The following SHISAL1 variants were observed in gnomAD, a reference collection of about 807,000 sequenced individuals.
SHISAL1 encodes the protein shisa like 1.
SHISAL1 carries 9 observed loss-of-function variants against 22.6 expected under a neutral mutation model. That is an observed-to-expected ratio of 0.40 (90% CI 0.24 to 0.70). The LOEUF (loss-of-function observed/expected upper bound fraction) is 0.70. SHISAL1 is among the 30% of genes least tolerant of loss of function. The pLI is 0.39. For synonymous variants in SHISAL1, 119 were observed against 115.4 expected (o/e 1.03, Z -0.20); for missense variants, 246 against 270.6 (o/e 0.91, Z 0.64).
intron 3 of SHISAL1, among the ~76,000 whole-genome samples, chr22:44,288,895 A>G (rs2055334233): frequency 6.6e-6 from 1 of 152,208 alleles, no homozygotes; most frequent in South Asian, 2.1e-4. Flanking sequence ...GTTTTGTAGG[A>G]CTGTCTGCCC....
In SHISAL1 at chr22:44,302,295, A is replaced by G. The variant is rs138511452; in HGVS notation, c.-32-1318T>C. 5.5e-3 allele frequency among the ~76,000 whole-genome samples: 802 copies of G among 147,044 alleles called. 6 individuals are homozygous for G. Among genetic ancestry groups the G allele is most frequent in the African/African-American group, 0.019 (752 of 39,352 alleles). On this transcript the variant is annotated intron_variant, in intron 1 of 4. Coordinates refer to ENST00000381176, the MANE Select transcript of SHISAL1 (RefSeq NM_001099294.2). ...GTGGAGGCTGCAGTGAGCTGAGATCACGCCATTGCACTCCAGCCTGGGCGA... is the reference window on the plus strand; with the variant it reads ...GTGGAGGCTGCAGTGAGCTGAGATCGCGCCATTGCACTCCAGCCTGGGCGA...
intron 4 of SHISAL1, among the ~76,000 whole-genome samples, chr22:44,264,559 T>C (rs1189179796): frequency 1.3e-5 from 2 of 152,264 alleles, no homozygotes; most frequent in African/African-American, 2.4e-5. Context: ...TCCTGACGGA[T>C]GTAGTCACTC....
the SHISAL1 span, among the ~76,000 whole-genome samples, chr22:44,331,128 C>T: frequency 2.6e-5 from 4 of 152,028 alleles, no homozygotes; most frequent in African/African-American, 9.7e-5. This position sits in a 1 kb window ranked among gnomAD's most constrained non-coding sequence, Gnocchi z 5.2. Context: ...CTGCTCTCTT[C>T]GGAACCCAGC....
In SHISAL1 at chr22:44,245,111, G is replaced by A. The variant is rs1394678952; in HGVS notation, c.*4574C>T. The A allele has an allele frequency of 1.3e-5, 2 of 152,272 alleles. No individual in the cohort carries two copies. Among genetic ancestry groups the A allele is most frequent in the African/African-American group, 2.4e-5 (1 of 41,466 alleles). 9.4% of individuals were successfully genotyped at this position (152,272 alleles called of 1,614,324 possible). On this transcript the variant is annotated 3_prime_UTR_variant, in exon 5 of 5. Coordinates refer to ENST00000381176, the MANE Select transcript of SHISAL1 (RefSeq NM_001099294.2). ...CCTCTCTGACTGTCCCAGTGCTGTG[G>A]GGGCCAAGCAGACACCCTCTGATGC... is the stretch of plus-strand genomic sequence containing the variant.
chr22:44,282,153 G>A (rs1194404347), intron 4 of SHISAL1, among the ~76,000 whole-genome samples: 1 of 152,214 alleles, frequency 6.6e-6, no homozygotes, highest in Non-Finnish European at 1.5e-5. Context: ...TCTGAGAGGG[G>A]AGGCTGTGCC....
At position 44,300,973 on chromosome 22, in the gene SHISAL1, G is replaced by A. The variant is rs752116012; in HGVS notation, c.-28C>T. The A allele has an allele frequency of 3.9e-5, 63 of 1,609,374 alleles. No homozygotes were observed. Among genetic ancestry groups the A allele is most frequent in the Non-Finnish European group, 5.0e-5 (59 of 1,176,184 alleles). On this transcript the variant is annotated 5_prime_UTR_variant, in exon 2 of 5. Coordinates refer to ENST00000381176, the MANE Select transcript of SHISAL1 (RefSeq NM_001099294.2). ...TCTGGCTTGCATTGATCCGTCCAGA[G>A]CTGCCTGTTCAATGAGAGCCACGAG... is the stretch of plus-strand genomic sequence containing the variant.
chr22:44,286,335 C>T (rs1343778754), intron 3 of SHISAL1, among the ~76,000 whole-genome samples: 1 of 152,188 alleles, frequency 6.6e-6, no homozygotes, highest in Non-Finnish European at 1.5e-5. Context: ...CTGGGGCTGT[C>T]CGGGCCCCAT....
intron 2 of SHISAL1, among the ~76,000 whole-genome samples, chr22:44,299,963 C>G (rs569695512): frequency 7.0e-6 from 1 of 142,480 alleles, no homozygotes; most frequent in South Asian, 2.2e-4. Context: ...GAGACAGACA[C>G]AGAGACATAG....
At chr22:44,274,400 C>G (rs566209657) in intron 4 of SHISAL1, among the ~76,000 whole-genome samples, 60 of 152,252 alleles carry the variant, frequency 3.9e-4, no homozygotes, top group Non-Finnish European at 8.4e-4. Context: ...ACCCCCTGGA[C>G]TCAGGAATCT....
chr22:44,277,688 T>G (rs2147284947), intron 4 of SHISAL1, among the ~76,000 whole-genome samples: 1 of 152,242 alleles, frequency 6.6e-6, no homozygotes, highest in South Asian at 2.1e-4. Flanking sequence ...TCACAGAGGC[T>G]AAAAGAGAAC....
chr22:44,308,827 C>T (rs2055497539), intron 1 of SHISAL1, among the ~76,000 whole-genome samples: 1 of 152,208 alleles, frequency 6.6e-6, no homozygotes, highest in Non-Finnish European at 1.5e-5. Context: ...AGACAGGGGC[C>T]ACGCTCGGGC....
At chr22:44,255,375 C>T (rs2055077646) in intron 4 of SHISAL1, among the ~76,000 whole-genome samples, 1 of 152,188 alleles carries the variant, frequency 6.6e-6, no homozygotes, top group South Asian at 2.1e-4. Flanking sequence ...TCCCAACCTT[C>T]CTCCTCCACC....
intron 3 of SHISAL1, among the ~76,000 whole-genome samples, chr22:44,287,645 T>G (rs1373330229): frequency 2.0e-5 from 3 of 151,738 alleles, no homozygotes; most frequent in African/African-American, 4.8e-5. Context: ...CCCAGCGGCC[T>G]TATGTTAAAA....
chr22:44,299,727 GAGACAGAGACAGAA>G (rs1407051141), intron 2 of SHISAL1, among the ~76,000 whole-genome samples: 3 of 152,122 alleles, frequency 2.0e-5, no homozygotes, highest in Non-Finnish European at 4.4e-5. Context: ...CAGAGAGATG[GAGACAGAGACAGAA>G]AGACAGAGTC....
At chr22:44,320,882 C>T in the SHISAL1 span, among the ~76,000 whole-genome samples, 1 of 152,226 alleles carries the variant, frequency 6.6e-6, no homozygotes, top group Admixed American at 6.5e-5. Flanking sequence ...TGGAGTCTCA[C>T]CAGAGGCCAG....
At chr22:44,314,866 C>T (rs535332518), upstream of SHISAL1, among the ~76,000 whole-genome samples, 5 of 152,252 alleles carry the variant, frequency 3.3e-5, no homozygotes, top group South Asian at 8.3e-4. Flanking sequence ...GCACTGCAGC[C>T]GCACAGAACA....
intron 4 of SHISAL1, among the ~76,000 whole-genome samples, chr22:44,266,641 G>A (rs1366154130): frequency 1.3e-5 from 2 of 151,782 alleles, no homozygotes; most frequent in Admixed American, 6.6e-5. Flanking sequence ...GGTGCTCTGG[G>A]AGAGCCTCTC....
intron 1 of SHISAL1, among the ~76,000 whole-genome samples, chr22:44,306,191 T>C (rs1254874293): frequency 1.3e-5 from 2 of 152,192 alleles, no homozygotes; most frequent in Admixed American, 1.3e-4. Context: ...AGCACTGATG[T>C]TCACAAGGCC....
chr22:44,278,873 G>A (rs2055257960), intron 4 of SHISAL1, among the ~76,000 whole-genome samples: 1 of 152,132 alleles, frequency 6.6e-6, no homozygotes, highest in Non-Finnish European at 1.5e-5. Context: ...GCACTCTGGG[G>A]AGTCTGCACA....
Sources: gnomAD v4.1 joint callset for allele counts (sites outside exome capture counted in the v4.1 genomes callset) on GRCh38, gnomAD v4.1.1 for gene constraint, Gnocchi (gnomAD v3.1) non-coding constraint, MANE v1.5 for transcripts, NCBI Gene and HGNC (gene_info 2026-07-23, HGNC 2026-07-21) for gene names.